Variants in KCNMB2 observed in about 807,000 individuals in gnomAD.
KCNMB2 encodes the protein calcium-activated potassium channel subunit beta-2.
KCNMB2 carries 9 observed loss-of-function variants against 24.5 expected under a neutral mutation model. That is an observed-to-expected ratio of 0.37 (90% CI 0.22 to 0.64). KCNMB2 has a LOEUF of 0.64. KCNMB2 is among the 30% of genes least tolerant of loss of function. KCNMB2 has a pLI of 0.63. For synonymous variants in KCNMB2, 109 were observed against 104.4 expected, an observed-to-expected ratio of 1.04 and a Z score of -0.27; for missense variants, 226 against 284.3, an observed-to-expected ratio of 0.79 and a Z score of 1.47.
intron 1 of KCNMB2, among the ~76,000 whole-genome samples, chr3:178,543,191 C>A (rs1376941003): frequency 6.6e-6 from 1 of 152,152 alleles, no homozygotes; most frequent in Admixed American, 6.6e-5. Flanking sequence ...AACCAGAAAC[C>A]AATTTTCCTG....
chr3:178,576,254 C>T (rs1716984701), intron 1 of KCNMB2, among the ~76,000 whole-genome samples: 1 of 151,926 alleles, frequency 6.6e-6, no homozygotes, highest in South Asian at 2.1e-4. Flanking sequence ...CTGGGGAACT[C>T]CCTCCCCTAG....
At chr3:178,692,266 T>C (rs1374394871) in intron 1 of KCNMB2, among the ~76,000 whole-genome samples, 2 of 152,236 alleles carry the variant, frequency 1.3e-5, no homozygotes, top group Admixed American at 6.5e-5. Flanking sequence ...CATTTGTCAA[T>C]TTTTGCTTTT....
At chr3:178,803,276 T>C (rs967302455) in intron 1 of KCNMB2, among the ~76,000 whole-genome samples, 2 of 152,214 alleles carry the variant, frequency 1.3e-5, no homozygotes, top group African/African-American at 4.8e-5. Context: ...CATGTTGCCC[T>C]ATCTAAAGAA....
intron 1 of KCNMB2, among the ~76,000 whole-genome samples, chr3:178,795,823 A>G (rs1713520999): frequency 6.6e-6 from 1 of 152,208 alleles, no homozygotes; most frequent in African/African-American, 2.4e-5. Context: ...TAATATACTA[A>G]ATAAAAATAG....
At chr3:178,820,382 C>T (rs948156142) in intron 2 of KCNMB2, 1 of 152,642 alleles carries the variant, frequency 6.6e-6, no homozygotes, top group African/African-American at 2.4e-5. Context: ...TATTTGGTAT[C>T]GCCAGAACTT....
At chr3:178,666,181 T>A (rs1720711349) in intron 1 of KCNMB2, among the ~76,000 whole-genome samples, 1 of 152,158 alleles carries the variant, frequency 6.6e-6, no homozygotes. Context: ...GACACCAGCA[T>A]GGTTCACTGA....
At chr3:178,696,124 G>A (rs1381860549) in intron 1 of KCNMB2, among the ~76,000 whole-genome samples, 1 of 152,226 alleles carries the variant, frequency 6.6e-6, no homozygotes, top group East Asian at 1.9e-4. Context: ...GCAGGAAGGA[G>A]AAGAATGAGT....
chr3:178,540,377 G>A (rs767171478), intron 1 of KCNMB2, among the ~76,000 whole-genome samples: 9 of 152,054 alleles, frequency 5.9e-5, no homozygotes, highest in South Asian at 2.1e-4. Context: ...CCACCCACAC[G>A]TTCTATTCTC....
At chr3:178,799,562 C>T (rs1377387854) in intron 1 of KCNMB2, among the ~76,000 whole-genome samples, 4 of 152,030 alleles carry the variant, frequency 2.6e-5, no homozygotes, top group Non-Finnish European at 4.4e-5. Context: ...TCCATAGTCA[C>T]GGATTGGGAG....
chr3:178,607,535 G>C (rs573688038), intron 1 of KCNMB2, among the ~76,000 whole-genome samples: 2 of 152,238 alleles, frequency 1.3e-5, no homozygotes, highest in East Asian at 3.9e-4. Flanking sequence ...TATCTTATCT[G>C]AGAGTTTATA....
chr3:178,801,472 T>C (rs1560027237), intron 1 of KCNMB2, among the ~76,000 whole-genome samples: 1 of 152,342 alleles, frequency 6.6e-6, no homozygotes, highest in East Asian at 1.9e-4. Flanking sequence ...GGGCTATTCA[T>C]TCAATCTTCT....
chr3:178,796,967 T>C (rs1295328294), intron 1 of KCNMB2, among the ~76,000 whole-genome samples: 3 of 151,946 alleles, frequency 2.0e-5, no homozygotes, highest in Admixed American at 6.6e-5. Context: ...GTTGGTTTTT[T>C]GAAAAGATAA....
rs985810962 is a variant in KCNMB2 at position 178,545,561 on chromosome 3, A to G, written c.-68+8850A>G. 3.9e-5 allele frequency among the ~76,000 whole-genome samples: 6 copies of G among 152,252 alleles called. No individual in the cohort carries two copies. The South Asian group carries it at 1.0e-3, about 26-fold the overall frequency. ...CAGAGAATCATTCCGGACATGCTGC[A>G]TAAGGCACTTTATGAGAAGGATAGA... is the stretch of plus-strand genomic sequence containing the variant. On this transcript the variant is annotated intron_variant, in intron 1 of 4. Coordinates refer to ENST00000452583, the MANE Select transcript of KCNMB2 (RefSeq NM_181361.3).
At chr3:178,611,666 C>A (rs1014085144) in intron 1 of KCNMB2, among the ~76,000 whole-genome samples, 2 of 152,156 alleles carry the variant, frequency 1.3e-5, no homozygotes, top group Non-Finnish European at 2.9e-5. Flanking sequence ...GATCGCACCA[C>A]TGCACTCCAG....
intron 1 of KCNMB2, among the ~76,000 whole-genome samples, chr3:178,709,164 C>T (rs1722373020): frequency 6.6e-6 from 1 of 152,086 alleles, no homozygotes; most frequent in African/African-American, 2.4e-5. Context: ...CAAATGAAAA[C>T]GTTGTCTCCA....
In KCNMB2 at chr3:178,792,183, A is replaced by G. The variant is rs1429875525; in HGVS notation, c.-67-15160A>G. On this transcript the variant is annotated intron_variant, in intron 1 of 4. Transcript: ENST00000452583. ...ACCTATCAAAAATAATAATTACAAC[A>G]TCTTTTCAAGACATAGTATAATAAG... 2.0e-5 allele frequency among the ~76,000 whole-genome samples: 3 copies of G among 152,248 alleles called. 1 individual carries two copies. The highest frequency in any genetic ancestry group is 4.4e-5 in the Non-Finnish European group (3 of 68,036).
intron 1 of KCNMB2, among the ~76,000 whole-genome samples, chr3:178,651,229 C>T (rs563610582): frequency 3.9e-4 from 59 of 151,616 alleles, no homozygotes; most frequent in South Asian, 1.0e-3. Flanking sequence ...TAAAAATCAA[C>T]GTCTCAGGAT....
At chr3:178,717,602 G>T (rs1331360333) in intron 1 of KCNMB2, among the ~76,000 whole-genome samples, 1 of 152,144 alleles carries the variant, frequency 6.6e-6, no homozygotes, top group Non-Finnish European at 1.5e-5. Context: ...TGTGATAACT[G>T]ACTCCTGGAA....
At chr3:178,539,335 G>C (rs1014195024) in intron 1 of KCNMB2, among the ~76,000 whole-genome samples, 65 of 151,950 alleles carry the variant, frequency 4.3e-4, no homozygotes, top group African/African-American at 1.5e-3. Context: ...AAAAAAACTA[G>C]AAAAAAATGC....
Sources: allele counts gnomAD v4.1 joint callset (sites outside exome capture counted in the v4.1 genomes callset), GRCh38; gene constraint gnomAD v4.1.1; transcripts MANE v1.5; gene names NCBI Gene and HGNC (gene_info 2026-07-23, HGNC 2026-07-21).